GRID2: variants seen among roughly 807,000 people sequenced by gnomAD.
The protein encoded by GRID2 is glutamate receptor ionotropic, delta-2.
GRID2 carries 33 observed loss-of-function variants against 114.8 expected under a neutral mutation model. The observed-to-expected ratio is 0.29, with a 90% CI of 0.22 to 0.38. GRID2 has a LOEUF of 0.38. Among genes scored for constraint, GRID2 ranks in the 10% least tolerant of loss-of-function variants. GRID2 has a pLI of 1.00. For missense variants in GRID2, 1,184 were observed against 1,257.7 expected, an observed-to-expected ratio of 0.94 and a Z score of 0.89; for synonymous variants, 505 against 449.9, an observed-to-expected ratio of 1.12 and a Z score of -1.55.
chr4:92,625,582 C>A (rs897690473), intron 2 of GRID2, among the ~76,000 whole-genome samples: 1 of 151,780 alleles, frequency 6.6e-6, no homozygotes, highest in Non-Finnish European at 1.5e-5. Flanking sequence ...TTTAAAAAAA[C>A]CCAACCAATC....
intron 1 of GRID2, among the ~76,000 whole-genome samples, chr4:92,305,949 T>C (rs917091532): frequency 7.2e-5 from 11 of 152,190 alleles, no homozygotes; most frequent in Admixed American, 4.6e-4. Context: ...TGGCTTGGTG[T>C]TCTGCAAATT....
rs764747086 is a variant in GRID2 at position 93,238,388 on chromosome 4, G to A, written c.1143G>A (p.Leu381=). ...TCCTTTAGGGTGGAGTTAGTGGGTT[G>A]ACTGGAGAGCTAGAATTTGGAGAAA... ...ETIKKGGVSG[L]TGELEFGENG... Residue 381 remains leucine, a synonymous_variant, in exon 8 of 16, where the codon TTG becomes TTA. Transcript: ENST00000282020. 1.2e-6 allele frequency: 2 copies of A among 1,605,776 alleles called. No individual in the cohort carries two copies. The highest frequency in any genetic ancestry group is 1.7e-6 in the Non-Finnish European group (2 of 1,173,268).
chr4:93,467,372 A>G (rs1033580248), intron 11 of GRID2, among the ~76,000 whole-genome samples: 17 of 152,186 alleles, frequency 1.1e-4, no homozygotes, highest in Admixed American at 5.9e-4. Flanking sequence ...TCAGCAACCA[A>G]TTTTTGCCTA....
At chr4:92,430,741 T>C (rs1450274234) in intron 1 of GRID2, among the ~76,000 whole-genome samples, 1 of 152,186 alleles carries the variant, frequency 6.6e-6, no homozygotes, top group Non-Finnish European at 1.5e-5. Context: ...TCCATGAACA[T>C]TGAATATCTC....
At chr4:93,510,215 G>A (rs777207588) in intron 12 of GRID2, among the ~76,000 whole-genome samples, 23 of 152,092 alleles carry the variant, frequency 1.5e-4, no homozygotes, top group Non-Finnish European at 2.9e-4. Context: ...CATAGAAAAT[G>A]GGATTAGACT....
chr4:92,708,437 T>G (rs1430427149), intron 2 of GRID2, among the ~76,000 whole-genome samples: 1 of 152,166 alleles, frequency 6.6e-6, no homozygotes, highest in Non-Finnish European at 1.5e-5. Flanking sequence ...CAGTACTGGT[T>G]CATGAGTTAA....
chr4:93,385,483 C>A (rs914746344), intron 8 of GRID2, among the ~76,000 whole-genome samples: 1 of 152,084 alleles, frequency 6.6e-6, no homozygotes, highest in Non-Finnish European at 1.5e-5. Flanking sequence ...AAAATAAGAG[C>A]CATTTATTCA....
intron 1 of GRID2, among the ~76,000 whole-genome samples, chr4:92,568,835 G>C (rs375411285): frequency 1.5e-4 from 23 of 152,078 alleles, no homozygotes; most frequent in African/African-American, 4.8e-4. Context: ...TTGGTTTTCT[G>C]TTCCTGCATT....
rs1158230620 is a variant in GRID2, at chr4:93,517,869, A to G, written c.2193+2458A>G. 2.0e-5 allele frequency among the ~76,000 whole-genome samples: 3 copies of G among 150,646 alleles called. 1 individual carries two copies. The highest frequency in any genetic ancestry group is 2.4e-5 in the African/African-American group (1 of 41,060). On this transcript the variant is annotated intron_variant, in intron 13 of 15. Coordinates refer to ENST00000282020, the MANE Select transcript of GRID2 (RefSeq NM_001510.4). ...CACAAAAGGCCACACTTCTTCTATA[A>G]TATCTTGGGCAAGAATCCATATATA...
intron 2 of GRID2, among the ~76,000 whole-genome samples, chr4:92,655,877 C>T (rs1054882730): frequency 1.3e-5 from 2 of 151,638 alleles, no homozygotes; most frequent in Non-Finnish European, 2.9e-5. Context: ...TTCCTGATTG[C>T]ACTGGCTAAG....
chr4:93,594,231 T>C (rs929300286), intron 13 of GRID2, among the ~76,000 whole-genome samples: 11 of 152,016 alleles, frequency 7.2e-5, no homozygotes, highest in Non-Finnish European at 1.2e-4. Flanking sequence ...GATGGGTTTT[T>C]GGTGTGGATG....
chr4:92,947,073 A>C (rs1416666323), intron 2 of GRID2, among the ~76,000 whole-genome samples: 2 of 152,068 alleles, frequency 1.3e-5, no homozygotes, highest in Non-Finnish European at 2.9e-5. Context: ...GTAGGTAGTC[A>C]ACATAAAAGA....
chr4:92,517,749 T>C (rs1305336368), intron 1 of GRID2, among the ~76,000 whole-genome samples: 2 of 152,040 alleles, frequency 1.3e-5, no homozygotes, highest in South Asian at 4.1e-4. Context: ...AAAAGTACTT[T>C]TAAGGAAATG....
intron 1 of GRID2, among the ~76,000 whole-genome samples, chr4:92,488,879 C>A (rs1250837865): frequency 6.6e-6 from 1 of 152,142 alleles, no homozygotes. Context: ...TGAGAAAACT[C>A]TACTCAAGGA....
intron 7 of GRID2, among the ~76,000 whole-genome samples, chr4:93,236,709 T>A (rs1400713446): frequency 6.6e-6 from 1 of 151,956 alleles, no homozygotes; most frequent in African/African-American, 2.4e-5. Context: ...AGTGAATACA[T>A]CCTAGACCAG....
At chr4:92,755,961 G>A (rs1333000369) in intron 2 of GRID2, among the ~76,000 whole-genome samples, 1 of 152,100 alleles carries the variant, frequency 6.6e-6, no homozygotes, top group Admixed American at 6.6e-5. Context: ...TCCGTCTGCT[G>A]AGTACATTTC....
Position 92,330,509 on chromosome 4 carries a change from T to C in GRID2, c.88+25765T>C, listed in dbSNP as rs192296212. On this transcript the variant is annotated intron_variant, in intron 1 of 15. Transcript: ENST00000282020. Reference sequence around the variant, plus strand: ...ATACTACTTGGGCAATATTTATAAATAGAGTTGGTAAGATTTCAAGAATTC... The same window carrying C: ...ATACTACTTGGGCAATATTTATAAACAGAGTTGGTAAGATTTCAAGAATTC... Among the ~76,000 whole-genome samples the C allele has an allele frequency of 3.1e-3, 478 of 152,194 alleles. 3 individuals are homozygous for C. Among genetic ancestry groups the C allele is most frequent in the African/African-American group, 0.011 (442 of 41,530 alleles).
rs1270217618 is a variant in GRID2, at chr4:93,774,289, C to T, written c.*1791C>T. Reference sequence around the variant, plus strand: ...ACTAAGTGCATGCACAACTTGTTTTCCCTTGTAACATTCATGATCTCATTT... The same window carrying T: ...ACTAAGTGCATGCACAACTTGTTTTTCCTTGTAACATTCATGATCTCATTT... On this transcript the variant is annotated 3_prime_UTR_variant, in exon 16 of 16. Transcript: ENST00000282020. 1 of 151,940 alleles carries T rather than the reference C, an allele frequency of 6.6e-6. No homozygotes were observed. The highest frequency in any genetic ancestry group is 2.4e-5 in the African/African-American group (1 of 41,374). 9.4% of individuals were successfully genotyped at this position (151,940 alleles called of 1,614,324 possible).
At chr4:93,315,850 C>T (rs1756525858) in intron 8 of GRID2, among the ~76,000 whole-genome samples, 1 of 152,154 alleles carries the variant, frequency 6.6e-6, no homozygotes, top group East Asian at 1.9e-4. Context: ...GGTTCAGGCA[C>T]TGACACCAGG....
Sources: gnomAD v4.1 joint callset for allele counts (sites outside exome capture counted in the v4.1 genomes callset) on GRCh38, gnomAD v4.1.1 for gene constraint, MANE v1.5 for transcripts, NCBI Gene and HGNC (gene_info 2026-07-23, HGNC 2026-07-21) for gene names.